TGFBR3L: variants seen among roughly 807,000 people sequenced by gnomAD.
TGFBR3L encodes transforming growth factor beta receptor 3 like.
In TGFBR3L, 21 loss-of-function variants were observed where a neutral mutation model predicts 20.4. The ratio of observed to expected loss-of-function variants is 1.03; its 90% confidence interval spans 0.73 to 1.48. The LOEUF (loss-of-function observed/expected upper bound fraction) is 1.48. Ranked by LOEUF, TGFBR3L falls within the 40% of genes most tolerant of loss-of-function variation. The probability of loss-of-function intolerance (pLI) is 0.00; values close to 1 mark genes in which losing one functional copy is unlikely to be tolerated. For missense variants in TGFBR3L, 479 were observed against 498.0 expected, an observed-to-expected ratio of 0.96 and a Z score of 0.36; for synonymous variants, 245 against 244.2, an observed-to-expected ratio of 1.00 and a Z score of -0.03.
In TGFBR3L at chr19:7,918,088, C is replaced by G. The variant is rs1023487296; in HGVS notation, c.915C>G (p.Ala305=). The change falls in exon 5 of 6, where the codon GCC becomes GCG. Residue 305 remains alanine, a synonymous_variant. Coordinates refer to ENST00000565886, the MANE Select transcript of TGFBR3L (RefSeq NM_001195259.2). ...ACGCCCCTGGCCCGCCCGCGAGAGC[C>G]TCGCCCAGCGGTCCCCAGCCCAGGA... 4.6e-6 allele frequency: 7 copies of G among 1,535,726 alleles called. No homozygotes were observed. Among genetic ancestry groups the G allele is most frequent in the Non-Finnish European group, 6.1e-6 (7 of 1,146,762 alleles).
At position 7,915,586 on chromosome 19, in the gene TGFBR3L, A is replaced by G. The variant is rs1983245303; in HGVS notation, c.-682A>G. ...TTCCAGACCAGCCTGGGCAACATAG[A>G]CCCCGTATGGCCGTGGTAGCGAGTG... On this transcript the variant is annotated 5_prime_UTR_variant, in exon 1 of 6. Transcript: ENST00000565886. Among the ~76,000 whole-genome samples the G allele has an allele frequency of 6.6e-6, 1 of 151,794 alleles. No individual in the cohort carries two copies. Among genetic ancestry groups the G allele is most frequent in the East Asian group, 1.9e-4 (1 of 5,162 alleles).
chr19:7,916,856 T>G lies in TGFBR3L; in HGVS notation c.511T>G (p.Cys171Gly). The G allele has an allele frequency of 2.1e-6, 3 of 1,411,226 alleles. No homozygotes were observed. The highest frequency in any genetic ancestry group is 1.8e-6 in the Non-Finnish European group (2 of 1,082,258). 87.4% of individuals were successfully genotyped at this position (1,411,226 alleles called of 1,614,324 possible). The stretch of plus-strand genomic sequence containing the variant: ...CAACGCCTCGGTGCAGTTCCTGCAC[T>G]GCCAGCTGAGCCGCTGCCGCCGCCT... The change falls in exon 2 of 6, where the codon TGC becomes GGC. Residue 171 changes from cysteine (C) to glycine (G), a missense_variant. Coordinates refer to ENST00000565886, the MANE Select transcript of TGFBR3L (RefSeq NM_001195259.2).
In TGFBR3L at chr19:7,918,109, C is replaced by T. The variant is rs1983401148; in HGVS notation, c.936C>T (p.Pro312=). 5.9e-6 allele frequency: 9 copies of T among 1,535,736 alleles called. No homozygotes were observed. The highest frequency in any genetic ancestry group is 7.8e-6 in the Non-Finnish European group (9 of 1,146,752). ...GAGCCTCGCCCAGCGGTCCCCAGCCCAGGAGGTCCCAGTGAGGAAGGTAGG... is the reference window on the plus strand; with the variant it reads ...GAGCCTCGCCCAGCGGTCCCCAGCCTAGGAGGTCCCAGTGAGGAAGGTAGG... The change falls in exon 5 of 6, where the codon CCC becomes CCT. Residue 312 remains proline (P), a synonymous_variant. Transcript: ENST00000565886.
At position 7,916,869 on chromosome 19, in the gene TGFBR3L, G is replaced by C; in HGVS notation, c.524G>C (p.Arg175Pro). 7.2e-7 allele frequency: 1 copy of C among 1,385,402 alleles called. No homozygotes were observed. The highest frequency in any genetic ancestry group is 1.6e-5 in the South Asian group (1 of 60,690). The allele number at this position is 1,385,402 out of a possible 1,614,324, so 85.8% of individuals were successfully genotyped here. ...CAGTTCCTGCACTGCCAGCTGAGCCGCTGCCGCCGCCTCCGGGGAGTCCGC... is the reference window on the plus strand; with the variant it reads ...CAGTTCCTGCACTGCCAGCTGAGCCCCTGCCGCCGCCTCCGGGGAGTCCGC... The change falls in exon 2 of 6, where the codon CGC becomes CCC. Residue 175 changes from arginine (R) to proline (P), a missense_variant. Transcript: ENST00000565886.
Position 7,916,932 on chromosome 19 carries a change from C to T in TGFBR3L, c.587C>T (p.Pro196Leu), listed in dbSNP as rs780871546. 3.1e-6 allele frequency: 4 copies of T among 1,291,568 alleles called. No individual in the cohort carries two copies. The highest frequency in any genetic ancestry group is 3.9e-6 in the Non-Finnish European group (4 of 1,027,970). The allele number at this position is 1,291,568 out of a possible 1,614,324, so 80.0% of individuals were successfully genotyped here. A position where few individuals can be genotyped will look rare whatever the true frequency, so the allele number is the denominator to read the frequency against. The change falls in exon 2 of 6, where the codon CCG becomes CTG. Residue 196 changes from proline (P) to leucine (L), a missense_variant. Pro to Leu is a moderately conservative substitution (Grantham distance 98). Transcript: ENST00000565886. The stretch of plus-strand genomic sequence containing the variant: ...CCTCTGACGCCGCCGCCGCCGCCGC[C>T]GCCATCGCGGGTGCGCGGGCGCAGA...
rs1321122168 is a variant in TGFBR3L at position 7,918,043 on chromosome 19, C to T, written c.884-14C>T. The T allele has an allele frequency of 6.5e-7, 1 of 1,533,046 alleles. No homozygotes were observed. The allele number at this position is 1,533,046 out of a possible 1,614,324, so 95.0% of individuals were successfully genotyped here. A position where few individuals can be genotyped will look rare whatever the true frequency, so the allele number is the denominator to read the frequency against. On this transcript the variant is annotated splice_polypyrimidine_tract_variant and intron_variant, in intron 4 of 5. Transcript: ENST00000565886. ...CGCGCAGCAGCCCTTCTGCAGCTCG[C>T]CTCTCCCTTCCAGCGCCCCACGCCC...
Position 7,916,778 on chromosome 19 carries a change from A to G in TGFBR3L, c.433A>G (p.Ser145Gly). 1.3e-6 allele frequency: 2 copies of G among 1,487,688 alleles called. No individual in the cohort carries two copies. Among genetic ancestry groups the G allele is most frequent in the South Asian group, 2.5e-5 (2 of 79,388 alleles). The allele number at this position is 1,487,688 out of a possible 1,614,324, so 92.2% of individuals were successfully genotyped here. ...CGCCTTCCCGCCACCGCCGCCGCCG[A>G]GCCCGGGTGCCGCCCGCCCCGCGCG... The change falls in exon 2 of 6, where the codon AGC becomes GGC. Residue 145 changes from serine to glycine, a missense_variant. Physicochemically the swap from Ser to Gly is moderately conservative, Grantham distance 56. Transcript: ENST00000565886.
At chr19:7,917,085 C>A (rs752023312) in intron 2 of TGFBR3L, 143 bp downstream of exon 3, 265 of 1,157,816 alleles carry the variant, frequency 2.3e-4, no homozygotes, top group Middle Eastern at 1.6e-3. Flanking sequence ...TCCATCTCTG[C>A]CGACAGAGTT....
intron 2 of TGFBR3L, 31 bp downstream of exon 3, chr19:7,916,973 G>A: frequency 7.9e-7 from 1 of 1,273,056 alleles, no homozygotes; most frequent in Non-Finnish European, 9.8e-7. Flanking sequence ...GAATCCGGGC[G>A]CTGGGGCCCT....
intron 2 of TGFBR3L, 147 bp from the exon 4 acceptor site, chr19:7,917,326 G>A (rs1278742858): frequency 1.6e-6 from 2 of 1,244,268 alleles, no homozygotes; most frequent in Non-Finnish European, 2.1e-6. Flanking sequence ...CTGGGCTCAG[G>A]GCACCCTAAG....
At chr19:7,917,057 G>A (rs1298970812) in intron 2 of TGFBR3L, 115 bp downstream of exon 3, 5 of 1,228,502 alleles carry the variant, frequency 4.1e-6, no homozygotes, top group South Asian at 6.5e-5. Flanking sequence ...GGGGGTTGGG[G>A]GAGGTGGGGC....
Position 7,916,733 on chromosome 19 carries a change from T to G in TGFBR3L, c.388T>G (p.Cys130Gly), listed in dbSNP as rs1983320414. ...CGCCCTGGCTCTGCTGCGTGAGGGC[T>G]GCCCCGCCGACACCTCTGTCGCCTT... Residue 130 changes from cysteine (C) to glycine (G), a missense_variant, in exon 2 of 6, where the codon TGC becomes GGC. By Grantham distance (159) the Cys-to-Gly change is radical. Coordinates refer to ENST00000565886, the MANE Select transcript of TGFBR3L (RefSeq NM_001195259.2). 6.7e-7 allele frequency: 1 copy of G among 1,487,514 alleles called. No homozygotes were observed. Among genetic ancestry groups the G allele is most frequent in the South Asian group, 1.3e-5 (1 of 78,906 alleles). The allele number at this position is 1,487,514 out of a possible 1,614,324, so 92.1% of individuals were successfully genotyped here. A position where few individuals can be genotyped will look rare whatever the true frequency, so the allele number is the denominator to read the frequency against.
At position 7,916,058 on chromosome 19, in the gene TGFBR3L, AG is replaced by A; in HGVS notation, c.-208del. 1.1e-6 allele frequency: 1 copy of A among 890,330 alleles called. No homozygotes were observed. Among genetic ancestry groups the A allele is most frequent in the East Asian group, 2.8e-5 (1 of 36,316 alleles). 55.2% of individuals were successfully genotyped at this position (890,330 alleles called of 1,614,324 possible). Reference sequence around the variant, plus strand: ...GCGTCCCCAAGAGCAGCCCTGGGGAAGGTGGGGGAGCTCTGACTTCACCCAG... The same window carrying A: ...GCGTCCCCAAGAGCAGCCCTGGGGAAGTGGGGGAGCTCTGACTTCACCCAG... On this transcript the variant is annotated 5_prime_UTR_variant, in exon 1 of 6. Coordinates refer to ENST00000565886, the MANE Select transcript of TGFBR3L (RefSeq NM_001195259.2).
In TGFBR3L at chr19:7,916,502, G is replaced by A. The variant is rs1232313218; in HGVS notation, c.235G>A (p.Gly79Arg). 6.6e-7 allele frequency: 1 copy of A among 1,519,186 alleles called. No homozygotes were observed. 94.1% of individuals were successfully genotyped at this position (1,519,186 alleles called of 1,614,324 possible). A position where few individuals can be genotyped will look rare whatever the true frequency, so the allele number is the denominator to read the frequency against. The change falls in exon 1 of 6, where the codon GGG (glycine) becomes AGG (arginine). Residue 79 changes from glycine (G) to arginine (R), a missense_variant. By Grantham distance (125) the Gly-to-Arg change is moderately radical. Transcript: ENST00000565886. ...AGAGGACGTCTTTCCTCGCCGCGCG[G>A]GGCCGCTCGAGGTCCCGGCCGACAG...
Position 7,916,647 on chromosome 19 carries a change from G to A in TGFBR3L, c.302G>A (p.Arg101His). 1 of 1,422,880 alleles carries A rather than the reference G, an allele frequency of 7.0e-7. No homozygotes were observed. The highest frequency in any genetic ancestry group is 1.5e-5 in the South Asian group (1 of 66,030). 88.1% of individuals were successfully genotyped at this position (1,422,880 alleles called of 1,614,324 possible). ...GCGGCCTTGGCCCGTCCCTCCCCGC[G>A]CTGGGGCCTGGCCCTGCACCGCTGC... Residue 101 changes from arginine (R) to histidine (H), a missense_variant, in exon 2 of 6, where the codon CGC (arginine) becomes CAC (histidine). Transcript: ENST00000565886.
Position 7,916,625 on chromosome 19 carries a change from GC to G in TGFBR3L, c.282del (p.Leu95TrpfsTer17). 7.0e-7 allele frequency: 1 copy of G among 1,424,750 alleles called. No homozygotes were observed. The highest frequency in any genetic ancestry group is 9.1e-7 in the Non-Finnish European group (1 of 1,100,298). The allele number at this position is 1,424,750 out of a possible 1,614,324, so 88.3% of individuals were successfully genotyped here. On this transcript the variant is annotated frameshift_variant, in exon 2 of 6. Transcript: ENST00000565886. LOFTEE classifies it high-confidence loss of function. Reference sequence around the variant, plus strand: ...TGATGGCGCCTCCGTCCCCCAGGCGGCCTTGGCCCGTCCCTCCCCGCGCTGG... The same window carrying G: ...TGATGGCGCCTCCGTCCCCCAGGCGGCTTGGCCCGTCCCTCCCCGCGCTGG...
chr19:7,918,076 G>T lies in TGFBR3L; in HGVS notation c.903G>T (p.Pro301=), dbSNP rs1463904667. Residue 301 remains proline (P), a synonymous_variant, in exon 5 of 6, where the codon CCG becomes CCT. Transcript: ENST00000565886. ...TTCCAGCGCCCCACGCCCCTGGCCC[G>T]CCCGCGAGAGCCTCGCCCAGCGGTC... 1 of 1,535,678 alleles carries T rather than the reference G, an allele frequency of 6.5e-7. No individual in the cohort carries two copies. Among genetic ancestry groups the T allele is most frequent in the Non-Finnish European group, 8.7e-7 (1 of 1,146,698 alleles).
chr19:7,917,698 C>T lies in TGFBR3L; in HGVS notation c.725-3C>T. 7.0e-7 allele frequency: 1 copy of T among 1,422,344 alleles called. No individual in the cohort carries two copies. The highest frequency in any genetic ancestry group is 9.1e-7 in the Non-Finnish European group (1 of 1,094,808). 88.1% of individuals were successfully genotyped at this position (1,422,344 alleles called of 1,614,324 possible). A position where few individuals can be genotyped will look rare whatever the true frequency, so the allele number is the denominator to read the frequency against. ...CCCAGTCTCAGCGTGGCACTTCCCA[C>T]AGGGCCGCCCAAGAGTGTCCCCGGC... On this transcript the variant is annotated splice_polypyrimidine_tract_variant and splice_region_variant and intron_variant, in intron 3 of 5. Transcript: ENST00000565886.
Position 7,916,302 on chromosome 19 carries a change from T to C in TGFBR3L, c.35T>C (p.Phe12Ser). Residue 12 changes from phenylalanine (F) to serine (S), a missense_variant, in exon 1 of 6, where the codon TTC (phenylalanine) becomes TCC (serine). Coordinates refer to ENST00000565886, the MANE Select transcript of TGFBR3L (RefSeq NM_001195259.2). ...TCGGCCGCCGCAACCGCATCCCTTT[T>C]CCAAAGGCGGCGGCGGGGGCGAGGT... 4 of 1,535,440 alleles carry C rather than the reference T, an allele frequency of 2.6e-6. No homozygotes were observed. Among genetic ancestry groups the C allele is most frequent in the Non-Finnish European group, 3.5e-6 (4 of 1,146,694 alleles).
Sources: gnomAD v4.1 joint callset for allele counts (sites outside exome capture counted in the v4.1 genomes callset) on GRCh38, gnomAD v4.1.1 for gene constraint, MANE v1.5 for transcripts, NCBI Gene and HGNC (gene_info 2026-07-23, HGNC 2026-07-21) for gene names.